The following RNF6 variants were observed in gnomAD, a reference collection of about 807,000 sequenced individuals.
RNF6 encodes the protein ring finger protein 6, also known as E3 ubiquitin-protein ligase RNF6.
In RNF6, 21 loss-of-function variants were observed where a neutral mutation model predicts 50.1. The observed-to-expected ratio is 0.42, with a 90% CI of 0.30 to 0.60. RNF6 has a LOEUF of 0.60. Among genes scored for constraint, RNF6 ranks in the 20% least tolerant of loss-of-function variants. The pLI is 0.20. For synonymous variants in RNF6, 255 were observed against 291.8 expected, an observed-to-expected ratio of 0.87 and a Z score of 1.29; for missense variants, 698 against 838.2, an observed-to-expected ratio of 0.83 and a Z score of 2.07.
At chr13:26,193,597 A>G (rs1443746920) in intron 5 of RNF6, among the ~76,000 whole-genome samples, 3 of 152,230 alleles carry the variant, frequency 2.0e-5, no homozygotes, top group Non-Finnish European at 4.4e-5. Context: ...TGGAATGTAG[A>G]CAACTCTTCC....
intron 5 of RNF6, among the ~76,000 whole-genome samples, chr13:26,196,810 A>G (rs1410015626): frequency 6.6e-6 from 1 of 151,880 alleles, no homozygotes; most frequent in Non-Finnish European, 1.5e-5. Flanking sequence ...GTAGGTAGGT[A>G]AATATACAAG....
In RNF6 at chr13:26,146,107, G is replaced by A. The variant is rs376048809; in HGVS notation, n.769-13656C>T. ...ATAGTGTCCAAAAGTCCCCAGGAAG[G>A]TCTCATTATTTCCTTTGCCCCAGTG... On this transcript the variant is annotated intron_variant and non_coding_transcript_variant, in intron 5 of 5. Coordinates refer to the RNF6 transcript ENST00000468480. 2.6e-5 allele frequency among the ~76,000 whole-genome samples: 4 copies of A among 152,174 alleles called. No individual in the cohort carries two copies. In the South Asian group the frequency reaches 8.3e-4, roughly 32 times the overall value.
intron 5 of RNF6, among the ~76,000 whole-genome samples, chr13:26,143,887 A>C (rs1203003652): frequency 6.6e-6 from 1 of 152,172 alleles, no homozygotes; most frequent in Non-Finnish European, 1.5e-5. Flanking sequence ...ATGGAATACT[A>C]TGACAGTGGA....
chr13:26,143,369 T>A (rs1453136145), intron 5 of RNF6, among the ~76,000 whole-genome samples: 2 of 152,156 alleles, frequency 1.3e-5, no homozygotes, highest in Non-Finnish European at 2.9e-5. Context: ...ACTGTCTTAT[T>A]TGCCTGTTGA....
intron 5 of RNF6, among the ~76,000 whole-genome samples, chr13:26,134,520 T>C (rs1470345781): frequency 1.3e-5 from 2 of 152,186 alleles, no homozygotes; most frequent in Non-Finnish European, 2.9e-5. Flanking sequence ...CAGTGTCCAT[T>C]GATCTTTCTG....
intron 5 of RNF6, among the ~76,000 whole-genome samples, chr13:26,165,760 T>G (rs1872422307): frequency 6.6e-6 from 1 of 152,208 alleles, no homozygotes; most frequent in Non-Finnish European, 1.5e-5. Flanking sequence ...TTCTCCCATT[T>G]GGAATGGCTG....
chr13:26,218,247 A>G (rs778664787), intron 4 of RNF6, among the ~76,000 whole-genome samples: 10 of 152,256 alleles, frequency 6.6e-5, no homozygotes, highest in Non-Finnish European at 1.3e-4. Context: ...ATTAAAAAGA[A>G]GCATGCTGGG....
chr13:26,166,301 G>A (rs1872449020), intron 5 of RNF6, among the ~76,000 whole-genome samples: 1 of 152,110 alleles, frequency 6.6e-6, no homozygotes, highest in African/African-American at 2.4e-5. Context: ...CTCAGTCTCT[G>A]GTATGTCTTT....
intron 5 of RNF6, among the ~76,000 whole-genome samples, chr13:26,187,272 A>AG (rs1268891139): frequency 6.6e-6 from 1 of 151,096 alleles, no homozygotes; most frequent in African/African-American, 2.4e-5. Context: ...ACGAATAGAA[A>AG]GGGGGAAAGC....
intron 4 of RNF6, among the ~76,000 whole-genome samples, chr13:26,215,830 G>A (rs370729289): frequency 4.6e-5 from 7 of 152,118 alleles, no homozygotes; most frequent in East Asian, 1.9e-4. Flanking sequence ...TTTATGCAAC[G>A]CTATGGAGAA....
At chr13:26,172,866 A>G (rs1031422056) in intron 5 of RNF6, among the ~76,000 whole-genome samples, 1 of 152,206 alleles carries the variant, frequency 6.6e-6, no homozygotes, top group Non-Finnish European at 1.5e-5. Context: ...TACTGTATAT[A>G]ATGTATATAA....
intron 5 of RNF6, among the ~76,000 whole-genome samples, chr13:26,175,673 G>A (rs560305130): frequency 1.3e-5 from 2 of 152,272 alleles, no homozygotes; most frequent in South Asian, 4.1e-4. Context: ...GGGAGTGGGG[G>A]AAAACCAGGA....
At position 26,215,149 on chromosome 13, in the gene RNF6, T is replaced by C; in HGVS notation, c.733A>G (p.Ile245Val). The change falls in exon 5 of 5, where the codon ATT (isoleucine) becomes GTT (valine). Residue 245 changes from isoleucine (I) to valine (V), a missense_variant. Coordinates refer to ENST00000381588, the MANE Select transcript of RNF6 (RefSeq NM_005977.4). Reference sequence around the variant, plus strand: ...GTGCGTGAAGCGTTAGCTCGAGGAATGCCAGCTGCTCCCCCAATTCCATTT... The same window carrying C: ...GTGCGTGAAGCGTTAGCTCGAGGAACGCCAGCTGCTCCCCCAATTCCATTT... ...LRNGIGGAAG[I>V]PRANASRTNF... The C allele has an allele frequency of 6.2e-7, 1 of 1,614,250 alleles. No homozygotes were observed. The highest frequency in any genetic ancestry group is 8.5e-7 in the Non-Finnish European group (1 of 1,180,040).
intron 1 of RNF6, 31 bp downstream of exon 1, chr13:26,221,972 G>C (rs1870558601): frequency 1.3e-5 from 2 of 152,386 alleles, no homozygotes; most frequent in Admixed American, 1.3e-4. Flanking sequence ...AGGAAGTAGT[G>C]GTGGGACCCA....
chr13:26,183,470 T>C (rs1225585620), intron 5 of RNF6, among the ~76,000 whole-genome samples: 1 of 152,204 alleles, frequency 6.6e-6, no homozygotes, highest in Admixed American at 6.5e-5. Context: ...CATCTGTGTA[T>C]ATTTGCTGGT....
chr13:26,162,833 G>C (rs1022634787), intron 5 of RNF6, among the ~76,000 whole-genome samples: 7 of 152,228 alleles, frequency 4.6e-5, no homozygotes, highest in African/African-American at 1.7e-4. Context: ...TAGCATGACA[G>C]TTTATGGTTG....
At chr13:26,160,920 T>A (rs1176336759) in intron 5 of RNF6, among the ~76,000 whole-genome samples, 1 of 152,112 alleles carries the variant, frequency 6.6e-6, no homozygotes, top group Non-Finnish European at 1.5e-5. Flanking sequence ...AGGCCACCAG[T>A]CAGAATGGAT....
chr13:26,138,315 C>T (rs765476022), intron 5 of RNF6, among the ~76,000 whole-genome samples: 2 of 151,994 alleles, frequency 1.3e-5, no homozygotes, highest in Non-Finnish European at 2.9e-5. Flanking sequence ...AACTGAGAGA[C>T]GTTGTCACTA....
Position 26,215,041 on chromosome 13 carries a change from A to C in RNF6, c.841T>G (p.Trp281Gly), listed in dbSNP as rs1363956408. 1 of 1,614,162 alleles carries C rather than the reference A, an allele frequency of 6.2e-7. No individual in the cohort carries two copies. The highest frequency in any genetic ancestry group is 2.2e-5 in the East Asian group (1 of 44,882). Residue 281 changes from tryptophan (W) to glycine (G), a missense_variant, in exon 5 of 5, where the codon TGG becomes GGG. By Grantham distance (184) the Trp-to-Gly change is radical (BLOSUM62 -2). Coordinates refer to ENST00000381588, the MANE Select transcript of RNF6 (RefSeq NM_005977.4). Reference sequence around the variant, plus strand: ...ACATTACTTCTAGCCCCATTTTCCCAAACATGTGCTGCTCCAAACCGTTGC... The same window carrying C: ...ACATTACTTCTAGCCCCATTTTCCCCAACATGTGCTGCTCCAAACCGTTGC... ...EGQRFGAAHV[W>G]ENGARSNVTV...
Sources: allele counts gnomAD v4.1 joint callset (sites outside exome capture counted in the v4.1 genomes callset), GRCh38; gene constraint gnomAD v4.1.1; transcripts MANE v1.5; gene names NCBI Gene and HGNC (gene_info 2026-07-23, HGNC 2026-07-21).